DIP2C: variants seen among roughly 807,000 people sequenced by gnomAD.
DIP2C encodes the protein DIP2 acetate--CoA ligase C (putative).
DIP2C carries 33 observed loss-of-function variants against 192.4 expected under a neutral mutation model. That is an observed-to-expected ratio of 0.17 (90% CI 0.13 to 0.23). The LOEUF (loss-of-function observed/expected upper bound fraction) is 0.23, where lower values mean the gene tolerates loss of function less well. DIP2C is among the 10% of genes least tolerant of loss of function. The probability of loss-of-function intolerance (pLI) is 1.00; values close to 1 mark genes in which losing one functional copy is unlikely to be tolerated. For missense variants in DIP2C, 1,537 were observed against 2,110.1 expected (o/e 0.73, Z 5.32); for synonymous variants, 979 against 864.1 (o/e 1.13, Z -2.33).
At chr10:392,948 T>C (rs1329444589) in intron 10 of DIP2C, among the ~76,000 whole-genome samples, 1 of 152,170 alleles carries the variant, frequency 6.6e-6, no homozygotes, top group Non-Finnish European at 1.5e-5. Flanking sequence ...AGATGGACCC[T>C]GCACACAGCA....
intron 1 of DIP2C, chr10:667,422 C>G (rs1857162694): frequency 6.6e-6 from 1 of 152,244 alleles, no homozygotes; most frequent in Non-Finnish European, 1.5e-5. Flanking sequence ...CACGGCAGGA[C>G]TTGCTGAGGA....
At chr10:389,754 C>T (rs774740879) in intron 13 of DIP2C, among the ~76,000 whole-genome samples, 4 of 152,256 alleles carry the variant, frequency 2.6e-5, no homozygotes, top group Non-Finnish European at 5.9e-5. Flanking sequence ...CAAGGACACG[C>T]TGACCTCAGA....
At chr10:626,444 C>CCCCCCGTCCACGGAGTTACCCTCCGT in intron 1 of DIP2C, among the ~76,000 whole-genome samples, 1 of 148,570 alleles carries the variant, frequency 6.7e-6, no homozygotes, top group East Asian at 2.0e-4. Flanking sequence ...TACCCTCCGT[C>CCCCCCGTCCACGGAGTTACCCTCCGT]CCCCCGTCCC....
intron 5 of DIP2C, among the ~76,000 whole-genome samples, chr10:422,188 A>C (rs1194570646): frequency 6.6e-6 from 1 of 152,188 alleles, no homozygotes; most frequent in Admixed American, 6.5e-5. Flanking sequence ...ATTCAACCCA[A>C]GTCCCGTACT....
intron 1 of DIP2C, among the ~76,000 whole-genome samples, chr10:680,453 A>G (rs1831090334): frequency 6.6e-6 from 1 of 152,208 alleles, no homozygotes; most frequent in South Asian, 2.1e-4. Flanking sequence ...CGCACTGGGT[A>G]ATTTTAATCC....
chr10:554,431 T>C (rs1325277965), intron 1 of DIP2C, among the ~76,000 whole-genome samples: 1 of 152,254 alleles, frequency 6.6e-6, no homozygotes, highest in Non-Finnish European at 1.5e-5. Flanking sequence ...TCTTGCTTGA[T>C]AAGGTATTAA....
chr10:415,942 C>A, intron 6 of DIP2C, 54 bp from the exon 7 acceptor site: 1 of 1,609,234 alleles, frequency 6.2e-7, no homozygotes, highest in Non-Finnish European at 8.5e-7. Flanking sequence ...CTTCAATGAG[C>A]ACCCACAGTC....
intron 1 of DIP2C, among the ~76,000 whole-genome samples, chr10:633,513 C>T (rs956465820): frequency 2.0e-5 from 3 of 152,202 alleles, no homozygotes; most frequent in Non-Finnish European, 2.9e-5. Flanking sequence ...CCCCTGCCTC[C>T]GGCCGGTGCC....
At chr10:575,517 TGA>T (rs1402467358) in intron 1 of DIP2C, among the ~76,000 whole-genome samples, 18 of 152,320 alleles carry the variant, frequency 1.2e-4, no homozygotes, top group Admixed American at 4.6e-4. Flanking sequence ...CGAGCTCTGC[TGA>T]GAGTGTCAAG....
At chr10:537,177 G>A (rs1030827893) in intron 1 of DIP2C, among the ~76,000 whole-genome samples, 2 of 152,092 alleles carry the variant, frequency 1.3e-5, no homozygotes, top group African/African-American at 4.8e-5. Context: ...GCCGTATGAA[G>A]GAGGGCGTGG....
At chr10:503,067 A>G (rs1845356669) in intron 1 of DIP2C, among the ~76,000 whole-genome samples, 2 of 149,318 alleles carry the variant, frequency 1.3e-5, no homozygotes, top group African/African-American at 5.0e-5. Flanking sequence ...TCCAACATAA[A>G]TTCCGCCAAG....
chr10:575,985 G>T (rs1397326740), intron 1 of DIP2C, among the ~76,000 whole-genome samples: 1 of 152,196 alleles, frequency 6.6e-6, no homozygotes, highest in Non-Finnish European at 1.5e-5. Context: ...TGCTACTCCT[G>T]CACGTGGGTG....
intron 4 of DIP2C, among the ~76,000 whole-genome samples, chr10:436,348 G>A (rs865991789): frequency 1.3e-5 from 2 of 152,254 alleles, no homozygotes; most frequent in African/African-American, 2.4e-5. Flanking sequence ...AGGCAGCGCA[G>A]GCACTGCTGG....
intron 3 of DIP2C, among the ~76,000 whole-genome samples, chr10:468,188 T>G (rs1564748744): frequency 6.6e-6 from 1 of 152,164 alleles, no homozygotes; most frequent in Non-Finnish European, 1.5e-5. Context: ...TCACACCTTA[T>G]TGTTAAAACC....
intron 1 of DIP2C, among the ~76,000 whole-genome samples, chr10:610,561 CAT>C (rs1564267128): frequency 1.3e-5 from 2 of 152,234 alleles, no homozygotes. Flanking sequence ...AAAATATGTA[CAT>C]ATATTATGTA....
intron 1 of DIP2C, among the ~76,000 whole-genome samples, chr10:552,101 T>C (rs1171580904): frequency 6.6e-6 from 1 of 152,218 alleles, no homozygotes; most frequent in Non-Finnish European, 1.5e-5. Context: ...CTAAGCTGGG[T>C]TGCTGGAGAG....
At chr10:580,349 G>A (rs1233899480) in intron 1 of DIP2C, among the ~76,000 whole-genome samples, 3 of 152,102 alleles carry the variant, frequency 2.0e-5, no homozygotes, top group Non-Finnish European at 2.9e-5. Flanking sequence ...TAGTGTACAT[G>A]CATGCTTACA....
intron 1 of DIP2C, among the ~76,000 whole-genome samples, chr10:617,993 C>T (rs1289257602): frequency 1.3e-5 from 2 of 152,218 alleles, no homozygotes; most frequent in African/African-American, 2.4e-5. Flanking sequence ...CTTGAGGTCA[C>T]GTCCACCTCA....
In DIP2C at chr10:636,327, A is replaced by T. The variant is rs1458781737; in HGVS notation, c.85+53167T>A. Among the ~76,000 whole-genome samples, 3 of 152,194 alleles carry T rather than the reference A, an allele frequency of 2.0e-5. No homozygotes were observed. ...ATTATGAAAATGTTCAAACATATTT[A>T]AAAAGTGGAAGAACAGTACAATGAG... On this transcript the variant is annotated intron_variant, in intron 1 of 36. Coordinates refer to ENST00000280886, the MANE Select transcript of DIP2C (RefSeq NM_014974.3). The surrounding 1 kb of genome is among the most constrained non-coding windows in gnomAD (Gnocchi z 4.6).
Sources: gnomAD v4.1 joint callset for allele counts (sites outside exome capture counted in the v4.1 genomes callset) on GRCh38, gnomAD v4.1.1 for gene constraint, Gnocchi (gnomAD v3.1) non-coding constraint, MANE v1.5 for transcripts, NCBI Gene and HGNC (gene_info 2026-07-23, HGNC 2026-07-21) for gene names.